CNOT6L: variants seen among roughly 807,000 people sequenced by gnomAD.
CNOT6L encodes CCR4-NOT transcription complex subunit 6-like.
A neutral mutation model predicts 64.0 loss-of-function variants in CNOT6L; 7 were observed. That is an observed-to-expected ratio of 0.11 (90% CI 0.06 to 0.21). The LOEUF is 0.21. Among genes scored for constraint, CNOT6L ranks in the 10% least tolerant of loss-of-function variants. The pLI is 1.00. For missense variants in CNOT6L, 245 were observed against 669.0 expected, an observed-to-expected ratio of 0.37 and a Z score of 6.99; for synonymous variants, 193 against 243.4, an observed-to-expected ratio of 0.79 and a Z score of 1.93.
chr4:77,759,672 T>C (rs1725962528), intron 4 of CNOT6L, among the ~76,000 whole-genome samples: 1 of 151,864 alleles, frequency 6.6e-6, no homozygotes, highest in Non-Finnish European at 1.5e-5. Flanking sequence ...GGAGCTAGAA[T>C]ACAATAAAAT....
At chr4:77,787,135 C>T (rs1167371730) in intron 1 of CNOT6L, among the ~76,000 whole-genome samples, 2 of 151,966 alleles carry the variant, frequency 1.3e-5, no homozygotes, top group African/African-American at 4.8e-5. Context: ...GGTGTGGTGG[C>T]GGGCACCTAT....
chr4:77,768,474 AATATATATATATATATATATATATAT>A (rs1193284066), intron 4 of CNOT6L, among the ~76,000 whole-genome samples: 10 of 13,126 alleles, frequency 7.6e-4, no homozygotes, highest in South Asian at 4.6e-3. Context: ...AAAATAAATA[AATATATATATATATATATATATATAT>A]ATATATATAT....
chr4:77,769,403 C>T (rs1727286313), intron 4 of CNOT6L, among the ~76,000 whole-genome samples: 3 of 152,050 alleles, frequency 2.0e-5, no homozygotes. Context: ...TTTAAATTCT[C>T]CCAATCTGAT....
At chr4:77,798,313 C>A (rs563157483) in intron 1 of CNOT6L, among the ~76,000 whole-genome samples, 21 of 151,998 alleles carry the variant, frequency 1.4e-4, no homozygotes, top group African/African-American at 5.1e-4. Flanking sequence ...GTCTCTAAAA[C>A]AAATAAATAA....
chr4:77,761,516 A>C (rs568704386), intron 4 of CNOT6L, among the ~76,000 whole-genome samples: 1 of 152,350 alleles, frequency 6.6e-6, no homozygotes, highest in Admixed American at 6.5e-5. Context: ...GCATTCTGAA[A>C]ACTCTTCCTG....
rs1474666361 is a variant in CNOT6L, at chr4:77,766,452, G to T, written c.400+6629C>A. On this transcript the variant is annotated intron_variant, in intron 4 of 11. Transcript: ENST00000504123. ...TTAAAACTGGAAACAACAGAAGTAC[G>T]CCCAGTATTAATGCTTCCACTCAAC... 2.0e-5 allele frequency among the ~76,000 whole-genome samples: 3 copies of T among 151,618 alleles called. No homozygotes were observed. In the East Asian group the frequency reaches 5.8e-4, roughly 29 times the overall value.
intron 7 of CNOT6L, among the ~76,000 whole-genome samples, chr4:77,743,252 G>A (rs1223525340): frequency 6.6e-6 from 1 of 151,826 alleles, no homozygotes; most frequent in Non-Finnish European, 1.5e-5. Context: ...TAGTATTATA[G>A]CATTGCTTTT....
intron 1 of CNOT6L, among the ~76,000 whole-genome samples, chr4:77,789,589 G>A (rs1299838437): frequency 1.3e-5 from 2 of 151,502 alleles, no homozygotes; most frequent in Non-Finnish European, 2.9e-5. Context: ...GAGCCCAGGA[G>A]GTTAAGGCTG....
intron 1 of CNOT6L, among the ~76,000 whole-genome samples, chr4:77,795,990 TTTTATC>T (rs1308841050): frequency 3.9e-5 from 6 of 152,268 alleles, no homozygotes; most frequent in Middle Eastern, 3.4e-3. Context: ...TTTTCTTTCC[TTTTATC>T]TTTAATAATT....
intron 1 of CNOT6L, among the ~76,000 whole-genome samples, chr4:77,806,616 A>G (rs999330314): frequency 1.3e-5 from 2 of 152,156 alleles, no homozygotes; most frequent in South Asian, 4.1e-4. Context: ...TACAACATAC[A>G]ATTTGTGTAT....
intron 1 of CNOT6L, 132 bp downstream of exon 1, chr4:77,819,172 G>T: frequency 6.3e-7 from 1 of 1,575,170 alleles, no homozygotes; most frequent in Non-Finnish European, 8.6e-7. Context: ...TCCTCGGGCC[G>T]CCTCCCCGCC....
intron 1 of CNOT6L, among the ~76,000 whole-genome samples, chr4:77,779,798 A>C (rs1017976759): frequency 6.6e-6 from 1 of 151,792 alleles, no homozygotes; most frequent in African/African-American, 2.4e-5. Context: ...CGTCTCTACC[A>C]AAAAAAATAC....
At position 77,717,198 on chromosome 4, in the gene CNOT6L, G is replaced by A. The variant is rs1720837027; in HGVS notation, c.*3233C>T. The A allele has an allele frequency of 1.3e-5, 2 of 152,376 alleles. No individual in the cohort carries two copies. The highest frequency in any genetic ancestry group is 6.6e-5 in the Admixed American group (1 of 15,220). 9.4% of individuals were successfully genotyped at this position (152,376 alleles called of 1,614,324 possible). ...CACAATATTTTAAAACAAAATCAAC[G>A]AGCAAGGAGCAGTAGGTGGATCTGA... On this transcript the variant is annotated 3_prime_UTR_variant, in exon 12 of 12. Coordinates refer to ENST00000504123, the MANE Select transcript of CNOT6L (RefSeq NM_144571.3).
At chr4:77,820,206 TAAC>T (rs1306993862), upstream of CNOT6L, among the ~76,000 whole-genome samples, 2 of 152,000 alleles carry the variant, frequency 1.3e-5, no homozygotes, top group Non-Finnish European at 2.9e-5. Flanking sequence ...TTGAGATTAA[TAAC>T]AAGGTGCAGA....
At chr4:77,742,351 T>C (rs1723688418) in intron 7 of CNOT6L, 56 bp from the exon 8 acceptor site, 4 of 1,467,130 alleles carry the variant, frequency 2.7e-6, no homozygotes, top group Non-Finnish European at 3.8e-6. Context: ...CTGATTAAGA[T>C]ATAAAAATGT....
chr4:77,798,621 G>A (rs1170045330), intron 1 of CNOT6L, among the ~76,000 whole-genome samples: 2 of 152,064 alleles, frequency 1.3e-5, no homozygotes, highest in African/African-American at 2.4e-5. Context: ...GAAAACAACC[G>A]GAACTTTCAT....
Position 77,717,080 on chromosome 4 carries a change from T to G in CNOT6L, c.*3351A>C, listed in dbSNP as rs1225625424. 6.6e-6 allele frequency: 1 copy of G among 152,554 alleles called. No homozygotes were observed. Among genetic ancestry groups the G allele is most frequent in the African/African-American group, 2.4e-5 (1 of 41,446 alleles). 9.5% of individuals were successfully genotyped at this position (152,554 alleles called of 1,614,324 possible). Reference sequence around the variant, plus strand: ...ATAAATCTGGAACAGATTTACTATATCTGAATTCTAAAAAGTTGCCTATAG... The same window carrying G: ...ATAAATCTGGAACAGATTTACTATAGCTGAATTCTAAAAAGTTGCCTATAG... On this transcript the variant is annotated 3_prime_UTR_variant, in exon 12 of 12. Coordinates refer to ENST00000504123, the MANE Select transcript of CNOT6L (RefSeq NM_144571.3).
chr4:77,731,883 G>A (rs1722478180), intron 8 of CNOT6L: 2 of 179,622 alleles, frequency 1.1e-5, no homozygotes, highest in African/African-American at 2.3e-5. Flanking sequence ...GTTCTGGACT[G>A]CCTATTTCTG....
At chr4:77,778,601 T>C (rs1364637999) in intron 1 of CNOT6L, among the ~76,000 whole-genome samples, 1 of 151,522 alleles carries the variant, frequency 6.6e-6, no homozygotes, top group Non-Finnish European at 1.5e-5. Flanking sequence ...AGATGGGGGT[T>C]TCACCACGTT....
Sources: gnomAD v4.1 joint callset for allele counts (sites outside exome capture counted in the v4.1 genomes callset) on GRCh38, gnomAD v4.1.1 for gene constraint, MANE v1.5 for transcripts, NCBI Gene and HGNC (gene_info 2026-07-23, HGNC 2026-07-21) for gene names.